The following PCDH15 variants were observed in gnomAD, a reference collection of about 807,000 sequenced individuals.
The protein encoded by PCDH15 is protocadherin-15.
Under a neutral mutation model 178.5 loss-of-function variants are expected in PCDH15, and 129 were observed. That is an observed-to-expected ratio of 0.72 (90% CI 0.63 to 0.84). The LOEUF (loss-of-function observed/expected upper bound fraction) is 0.84, where lower values mean the gene tolerates loss of function less well. Ranked by LOEUF, PCDH15 falls within the 40% of genes least tolerant of loss-of-function variation. The pLI is 0.00. For missense variants in PCDH15, 2,230 were observed against 2,099.9 expected (o/e 1.06, Z -1.21); for synonymous variants, 800 against 732.0 (o/e 1.09, Z -1.50).
chr10:54,539,394 A>C (rs974850611), intron 2 of PCDH15, among the ~76,000 whole-genome samples: 1 of 152,236 alleles, frequency 6.6e-6, no homozygotes, highest in Non-Finnish European at 1.5e-5. Context: ...AGGGCATTAC[A>C]TAATGATAAA....
intron 1 of PCDH15, among the ~76,000 whole-genome samples, chr10:55,277,657 G>T (rs1037499361): frequency 6.6e-6 from 1 of 151,974 alleles, no homozygotes. Context: ...TATTCCCCAA[G>T]ATGTACTGTA....
At chr10:55,115,293 C>T (rs948422422) in intron 2 of PCDH15, among the ~76,000 whole-genome samples, 3 of 152,128 alleles carry the variant, frequency 2.0e-5, no homozygotes, top group Admixed American at 2.0e-4. Flanking sequence ...ATGCAAGAGA[C>T]CTTAGAAGAA....
chr10:54,271,208 TTTTG>T (rs151089406), intron 8 of PCDH15, among the ~76,000 whole-genome samples: 6 of 151,894 alleles, frequency 4.0e-5, no homozygotes, highest in East Asian at 1.9e-4. Context: ...TGTTCTTACA[TTTTG>T]TTTGTTTGTT....
intron 8 of PCDH15, among the ~76,000 whole-genome samples, chr10:54,273,080 C>T (rs2058140753): frequency 6.6e-6 from 1 of 151,994 alleles, no homozygotes; most frequent in African/African-American, 2.4e-5. Context: ...TTTACACTGA[C>T]TATGTTTTCT....
At chr10:55,564,778 A>T (rs907659293) in intron 2 of PCDH15, among the ~76,000 whole-genome samples, 3 of 151,870 alleles carry the variant, frequency 2.0e-5, no homozygotes, top group African/African-American at 7.2e-5. Context: ...AGGAGGACAT[A>T]ATATATTAAT....
chr10:54,531,070 C>G (rs999316905), intron 2 of PCDH15, among the ~76,000 whole-genome samples: 1 of 152,024 alleles, frequency 6.6e-6, no homozygotes, highest in African/African-American at 2.4e-5. Flanking sequence ...GACTAGAAAG[C>G]AATTTGGGGG....
intron 2 of PCDH15, among the ~76,000 whole-genome samples, chr10:54,918,137 T>A (rs1837390702): frequency 6.6e-6 from 1 of 152,168 alleles, no homozygotes. Context: ...TTCTAGCTTG[T>A]TAAGGCCTTT....
At chr10:53,904,612 T>C (rs2082547854) in intron 25 of PCDH15, among the ~76,000 whole-genome samples, 1 of 152,036 alleles carries the variant, frequency 6.6e-6, no homozygotes, top group African/African-American at 2.4e-5. Flanking sequence ...AAGAGGAAAA[T>C]CATGCTAGCG....
At chr10:54,062,054 G>A (rs919379265) in intron 18 of PCDH15, among the ~76,000 whole-genome samples, 3 of 151,574 alleles carry the variant, frequency 2.0e-5, no homozygotes, top group African/African-American at 7.3e-5. Flanking sequence ...GCACAAACCT[G>A]TCTCTACTAA....
intron 18 of PCDH15, among the ~76,000 whole-genome samples, chr10:54,025,968 C>T (rs750085704): frequency 2.0e-5 from 3 of 152,166 alleles, no homozygotes; most frequent in Non-Finnish European, 4.4e-5. Context: ...AGGATAGTAT[C>T]CCCATCTCAG....
chr10:54,378,804 G>A lies in PCDH15; in HGVS notation c.296C>T (p.Thr99Ile), dbSNP rs1174646416. The A allele has an allele frequency of 3.1e-6, 5 of 1,613,698 alleles. No individual in the cohort carries two copies. The South Asian group carries it at 3.3e-5, about 11-fold the overall frequency. ...PVKQMLFLNS[T>I]GRVLDRDPPM... ...AACATCTCTATCCAGAACTCTTCCG[G>A]TGCTGTTCAGGAAAAGCATTTGCTT... is the stretch of plus-strand genomic sequence containing the variant. The change falls in exon 4 of 38, where the codon ACC becomes ATC. Residue 99 changes from threonine to isoleucine, a missense_variant. By Grantham distance (89) the Thr-to-Ile change is moderately conservative (BLOSUM62 -1). Transcript: ENST00000644397.
intron 18 of PCDH15, among the ~76,000 whole-genome samples, chr10:54,062,253 C>CAAACAA (rs2094041412): frequency 2.6e-5 from 2 of 75,844 alleles, no homozygotes; most frequent in African/African-American, 1.0e-4. Flanking sequence ...AAAAAAAAAA[C>CAAACAA]AAAAAACAAC....
intron 8 of PCDH15, among the ~76,000 whole-genome samples, chr10:54,297,709 G>A (rs181509841): frequency 1.3e-5 from 2 of 152,152 alleles, no homozygotes; most frequent in African/African-American, 2.4e-5. Flanking sequence ...CCCAACGTGG[G>A]TACATGTCCC....
At chr10:54,401,619 G>T (rs1951943251) in intron 3 of PCDH15, among the ~76,000 whole-genome samples, 1 of 151,644 alleles carries the variant, frequency 6.6e-6, no homozygotes, top group African/African-American at 2.4e-5. Flanking sequence ...ATGAATGAAA[G>T]AAATTACAGA....
At chr10:54,739,325 A>AAAAC (rs757461244) in intron 1 of PCDH15, among the ~76,000 whole-genome samples, 1 of 151,898 alleles carries the variant, frequency 6.6e-6, no homozygotes, top group Non-Finnish European at 1.5e-5. Context: ...ACAGCTACCA[A>AAAAC]AAACAAACAA....
rs776613315 is a variant in PCDH15, at chr10:54,183,430, A to C, written c.1590+14T>G. ...ACAGCTTTGAGTGTACACTTATATT[A>C]TGTGAGTAGTTACCTGTATGACACT... On this transcript the variant is annotated intron_variant, in intron 13 of 37. Coordinates refer to ENST00000644397, the MANE Select transcript of PCDH15 (RefSeq NM_001384140.1). 1 of 1,598,840 alleles carries C rather than the reference A, an allele frequency of 6.3e-7. No homozygotes were observed. The highest frequency in any genetic ancestry group is 1.1e-5 in the South Asian group (1 of 90,762).
chr10:54,036,237 A>G (rs917754240), intron 18 of PCDH15, among the ~76,000 whole-genome samples: 15 of 152,058 alleles, frequency 9.9e-5, no homozygotes, highest in African/African-American at 3.6e-4. Flanking sequence ...GCTACGCTAA[A>G]AAAACAGATT....
intron 20 of PCDH15, among the ~76,000 whole-genome samples, chr10:54,010,972 G>A (rs539916763): frequency 6.6e-6 from 1 of 152,198 alleles, no homozygotes; most frequent in East Asian, 1.9e-4. Context: ...CCCTTGGACT[G>A]GAGAAGAAAG....
chr10:53,978,623 T>G (rs1439870276), intron 21 of PCDH15, among the ~76,000 whole-genome samples: 3 of 151,788 alleles, frequency 2.0e-5, no homozygotes, highest in Non-Finnish European at 2.9e-5. Flanking sequence ...TTACGCAAAT[T>G]TCTGCTGCCA....
Sources: gnomAD v4.1 joint callset for allele counts (sites outside exome capture counted in the v4.1 genomes callset) on GRCh38, gnomAD v4.1.1 for gene constraint, MANE v1.5 for transcripts, NCBI Gene and HGNC (gene_info 2026-07-23, HGNC 2026-07-21) for gene names.